Variants in HEG1 observed in about 807,000 individuals in gnomAD.
HEG1 encodes heart development protein with EGF like domains 1.
HEG1 carries 56 observed loss-of-function variants against 125.6 expected under a neutral mutation model. The ratio of observed to expected loss-of-function variants is 0.45; its 90% CI spans 0.36 to 0.56. The LOEUF (loss-of-function observed/expected upper bound fraction) is 0.56, where lower values mean the gene tolerates loss of function less well. HEG1 is among the 20% of genes least tolerant of loss of function. HEG1 has a pLI of 0.00. For missense variants in HEG1, 1,523 were observed against 1,670.0 expected (o/e 0.91, Z 1.53); for synonymous variants, 644 against 668.5 (o/e 0.96, Z 0.57).
At chr3:125,016,501 C>T (rs886591177) in intron 5 of HEG1, among the ~76,000 whole-genome samples, 1 of 152,148 alleles carries the variant, frequency 6.6e-6, no homozygotes, top group Non-Finnish European at 1.5e-5. Flanking sequence ...AACTCAAGAT[C>T]CTGGTTTGAG....
chr3:125,022,084 A>G (rs1005325968), intron 3 of HEG1, among the ~76,000 whole-genome samples: 3 of 152,224 alleles, frequency 2.0e-5, no homozygotes, highest in African/African-American at 7.2e-5. Flanking sequence ...TTTCCAAAGG[A>G]TGCCCTGAGA....
Position 125,020,779 on chromosome 3 carries a change from A to G in HEG1, c.1252+13T>C, listed in dbSNP as rs753442960. On this transcript the variant is annotated intron_variant, in intron 4 of 16. Transcript: ENST00000311127. ...AATGTCCCTAATAGATCAAGTAAAG[A>G]TGGAATACTTACTTGGGGAATCATT... 6.9e-6 allele frequency: 11 copies of G among 1,602,940 alleles called. No individual in the cohort carries two copies. The highest frequency in any genetic ancestry group is 1.3e-5 in the African/African-American group (1 of 74,694).
chr3:124,987,615 C>A (rs1049067276), intron 14 of HEG1, among the ~76,000 whole-genome samples: 2 of 135,614 alleles, frequency 1.5e-5, no homozygotes, highest in Non-Finnish European at 3.1e-5. Flanking sequence ...CTCCGCCCCC[C>A]CAGGTTCACG....
chr3:124,986,277 T>G (rs954961864), intron 14 of HEG1, among the ~76,000 whole-genome samples: 3 of 152,186 alleles, frequency 2.0e-5, no homozygotes, highest in African/African-American at 7.2e-5. Flanking sequence ...AAAGCCTGCA[T>G]AGAGAAGAAG....
Position 125,013,900 on chromosome 3 carries a change from G to A in HEG1, c.1679C>T (p.Thr560Ile). ...DHTDHTYLSS[T>I]FTKGERALLS... is the part of the protein sequence containing the mutation. Reference sequence around the variant, plus strand: ...TAACGCCCGTTCTCCTTTGGTGAAAGTAGATGACAGGTAGGTGTGGTCTGT... The same window carrying A: ...TAACGCCCGTTCTCCTTTGGTGAAAATAGATGACAGGTAGGTGTGGTCTGT... The change falls in exon 6 of 17, where the codon ACT (threonine) becomes ATT (isoleucine). Residue 560 changes from threonine (T) to isoleucine (I), a missense_variant. Transcript: ENST00000311127. 1.2e-6 allele frequency: 2 copies of A among 1,613,952 alleles called. No individual in the cohort carries two copies. Among genetic ancestry groups the A allele is most frequent in the South Asian group, 1.1e-5 (1 of 91,048 alleles).
intron 12 of HEG1, among the ~76,000 whole-genome samples, chr3:124,993,189 G>T (rs1295668032): frequency 6.6e-6 from 1 of 152,178 alleles, no homozygotes; most frequent in Admixed American, 6.5e-5. Flanking sequence ...TTTAGCAAGC[G>T]TGCAGGACCC....
At chr3:125,007,155 C>T (rs1033101850) in intron 8 of HEG1, among the ~76,000 whole-genome samples, 5 of 146,586 alleles carry the variant, frequency 3.4e-5, no homozygotes, top group South Asian at 2.2e-4. Context: ...GCCGAGATCC[C>T]GCCACTGCAC....
At chr3:125,025,789 C>T (rs1280128604) in intron 3 of HEG1, among the ~76,000 whole-genome samples, 1 of 152,164 alleles carries the variant, frequency 6.6e-6, no homozygotes, top group African/African-American at 2.4e-5. Context: ...GGAAGAATTG[C>T]AGCTTTTATC....
intron 12 of HEG1, among the ~76,000 whole-genome samples, chr3:124,997,216 C>T (rs550683926): frequency 8.7e-4 from 132 of 152,172 alleles, no homozygotes; most frequent in African/African-American, 2.8e-3. Flanking sequence ...GAGAGGAAAC[C>T]GAGGCTCAGA....
intron 14 of HEG1, 43 bp from the exon 15 acceptor site, chr3:124,977,989 T>C (rs1231808962): frequency 1.2e-5 from 17 of 1,420,456 alleles, no homozygotes; most frequent in Non-Finnish European, 1.6e-5. Flanking sequence ...CTGGAGGTAA[T>C]GAAGGAATGA....
At chr3:124,993,813 C>T (rs1936871476) in intron 12 of HEG1, among the ~76,000 whole-genome samples, 1 of 152,200 alleles carries the variant, frequency 6.6e-6, no homozygotes. Flanking sequence ...TGTTGTCCTG[C>T]CCGCGAGCTG....
intron 12 of HEG1, among the ~76,000 whole-genome samples, chr3:124,996,693 T>C (rs763869160): frequency 2.6e-4 from 40 of 152,238 alleles, no homozygotes; most frequent in Non-Finnish European, 5.1e-4. Flanking sequence ...TTATCTGTGA[T>C]GAACAAGTCC....
chr3:125,002,048 A>G, intron 10 of HEG1, 36 bp from the exon 11 acceptor site: 6 of 1,611,602 alleles, frequency 3.7e-6, no homozygotes, highest in Non-Finnish European at 5.1e-6. Context: ...AACAGCCCTG[A>G]AATGACACGT....
intron 1 of HEG1, among the ~76,000 whole-genome samples, chr3:125,034,853 T>C (rs1937536758): frequency 6.6e-6 from 1 of 151,250 alleles, no homozygotes; most frequent in Non-Finnish European, 1.5e-5. Flanking sequence ...CAAAATGAGA[T>C]TAAAAAACAG....
chr3:125,004,248 A>T (rs1217361486), intron 9 of HEG1, among the ~76,000 whole-genome samples: 1 of 152,216 alleles, frequency 6.6e-6, no homozygotes, highest in Non-Finnish European at 1.5e-5. Context: ...TATAATTCCT[A>T]GCTAATATAC....
In HEG1 at chr3:125,040,711, C is replaced by CT. The variant is rs3061175; in HGVS notation, c.317-11224dup. On this transcript the variant is annotated intron_variant, in intron 1 of 16. Coordinates refer to ENST00000311127, the MANE Select transcript of HEG1 (RefSeq NM_020733.2). ...TCACACAGGGAGGGGAGAAAACAGGCTTTTTTTTTTTTAAAGGACTTTTAG... is the reference window on the plus strand; with the variant it reads ...TCACACAGGGAGGGGAGAAAACAGGCTTTTTTTTTTTTTAAAGGACTTTTAG... Among the ~76,000 whole-genome samples, 700 of 147,918 alleles carry CT rather than the reference C, an allele frequency of 4.7e-3. 4 individuals are homozygous for CT. Among genetic ancestry groups the CT allele is most frequent in the African/African-American group, 0.016 (639 of 40,036 alleles).
chr3:124,981,937 G>C (rs1936662888), intron 14 of HEG1, among the ~76,000 whole-genome samples: 1 of 151,510 alleles, frequency 6.6e-6, no homozygotes, highest in Non-Finnish European at 1.5e-5. Context: ...TTTTGAGACG[G>C]AGTCGCCCAG....
chr3:125,033,721 C>A (rs1937519938), intron 1 of HEG1, among the ~76,000 whole-genome samples: 1 of 152,176 alleles, frequency 6.6e-6, no homozygotes, highest in South Asian at 2.1e-4. Flanking sequence ...AGGACATGGA[C>A]TGGTAGCGGT....
chr3:125,055,442 G>T, intron 1 of HEG1, 133 bp downstream of exon 1: 1 of 529,344 alleles, frequency 1.9e-6, no homozygotes, highest in Non-Finnish European at 2.7e-6. Flanking sequence ...TCAGGGTCCC[G>T]CACACGCCGG....
Sources: allele counts gnomAD v4.1 joint callset (sites outside exome capture counted in the v4.1 genomes callset), GRCh38; gene constraint gnomAD v4.1.1; transcripts MANE v1.5; gene names NCBI Gene and HGNC (gene_info 2026-07-23, HGNC 2026-07-21).